The following ZNF35 variants were observed in gnomAD, a reference collection of about 807,000 sequenced individuals.
The protein encoded by ZNF35 is zinc finger protein 35 (clone HF.10).
ZNF35 carries 31 observed loss-of-function variants against 45.9 expected under a neutral mutation model. The ratio of observed to expected loss-of-function variants is 0.68; its 90% CI spans 0.51 to 0.91. ZNF35 has a LOEUF of 0.91. ZNF35 is among the 40% of genes least tolerant of loss of function. The probability of loss-of-function intolerance (pLI) is 0.00; values close to 1 mark genes in which losing one functional copy is unlikely to be tolerated. For synonymous variants in ZNF35, 205 were observed against 220.2 expected, an observed-to-expected ratio of 0.93 and a Z score of 0.61; for missense variants, 515 against 625.4, an observed-to-expected ratio of 0.82 and a Z score of 1.88.
intron 3 of ZNF35, among the ~76,000 whole-genome samples, chr3:44,653,136 C>T (rs1370865768): frequency 1.3e-5 from 2 of 152,154 alleles, no homozygotes; most frequent in South Asian, 2.1e-4. Flanking sequence ...CGGTTTATGT[C>T]GCATTTTCAC....
At chr3:44,654,582 A>G (rs1263888219) in intron 3 of ZNF35, among the ~76,000 whole-genome samples, 2 of 152,192 alleles carry the variant, frequency 1.3e-5, no homozygotes, top group African/African-American at 2.4e-5. Context: ...GAAATTGTAT[A>G]ATATACATGA....
At chr3:44,652,853 C>CA in intron 3 of ZNF35, 152 bp downstream of exon 3, 7 of 798,692 alleles carry the variant, frequency 8.8e-6, no homozygotes, top group Non-Finnish European at 1.3e-5. Flanking sequence ...TGCTGAAATG[C>CA]CTGTGCATTT....
chr3:44,658,725 T>C lies in ZNF35; in HGVS notation c.362T>C (p.Leu121Ser). 1 of 1,578,530 alleles carries C rather than the reference T, an allele frequency of 6.3e-7. No homozygotes were observed. Among genetic ancestry groups the C allele is most frequent in the Non-Finnish European group, 8.5e-7 (1 of 1,170,374 alleles). Residue 121 changes from leucine (L) to serine (S), a missense_variant, in exon 4 of 4, where the codon TTA (leucine) becomes TCA (serine). Physicochemically the swap from Leu to Ser is moderately radical, Grantham distance 145. Coordinates refer to ENST00000396056, the MANE Select transcript of ZNF35 (RefSeq NM_003420.4). The part of the protein sequence containing the change: ...FLGAETKNLQ[L>S]LVPKTEICEE... ...GGTGCTGAAACCAAGAACCTACAGT[T>C]ACTGGTTCCAAAAACTGAGATATGT... is the stretch of plus-strand genomic sequence containing the variant.
intron 3 of ZNF35, among the ~76,000 whole-genome samples, chr3:44,656,236 T>A: frequency 6.7e-6 from 1 of 148,248 alleles, no homozygotes; most frequent in Non-Finnish European, 1.5e-5. Flanking sequence ...AGATGAAGAG[T>A]CAGTAGGGGG....
At chr3:44,649,118 T>C (rs1703120249) in intron 1 of ZNF35, among the ~76,000 whole-genome samples, 1 of 152,126 alleles carries the variant, frequency 6.6e-6, no homozygotes, top group Non-Finnish European at 1.5e-5. Context: ...ATTGCCACGT[T>C]TGGAAATAGA....
At chr3:44,654,959 C>A (rs1441807634) in intron 3 of ZNF35, among the ~76,000 whole-genome samples, 2 of 152,010 alleles carry the variant, frequency 1.3e-5, no homozygotes, top group Non-Finnish European at 2.9e-5. Context: ...CATGGTGAAA[C>A]CCTGTCTCTA....
chr3:44,646,822 CAG>C (rs1261395789), upstream of ZNF35: 4 of 338,320 alleles, frequency 1.2e-5, no homozygotes, highest in African/African-American at 4.3e-5. Flanking sequence ...TGATTTTTGA[CAG>C]GGGCAAAAGC....
At chr3:44,650,489 A>G (rs988091364) in intron 1 of ZNF35, among the ~76,000 whole-genome samples, 1 of 152,182 alleles carries the variant, frequency 6.6e-6, no homozygotes, top group African/African-American at 2.4e-5. Flanking sequence ...AAAAAATGCT[A>G]TGATGATAAT....
At chr3:44,652,076 C>T (rs573163297) in intron 2 of ZNF35, among the ~76,000 whole-genome samples, 1 of 152,112 alleles carries the variant, frequency 6.6e-6, no homozygotes, top group Admixed American at 6.5e-5. Flanking sequence ...CCAGGTGATG[C>T]AGATACTGCT....
Position 44,652,563 on chromosome 3 carries a change from A to G in ZNF35, c.199A>G (p.Asn67Asp). Reference protein sequence around the residue: ...DGSEEEEKGQNISWDMAVVLK... With the variant: ...DGSEEEEKGQDISWDMAVVLK... ...TGTGCCTGCTTGTCTCTAGGGTCAG[A>G]ACATATCCTGGGATATGGCGGTAGT... Residue 67 changes from asparagine (N) to aspartate (D), a missense_variant, in exon 3 of 4, where the codon AAC becomes GAC. Coordinates refer to ENST00000396056, the MANE Select transcript of ZNF35 (RefSeq NM_003420.4). 2 of 1,603,330 alleles carry G rather than the reference A, an allele frequency of 1.2e-6. No homozygotes were observed. The highest frequency in any genetic ancestry group is 1.7e-6 in the Non-Finnish European group (2 of 1,175,360).
upstream of ZNF35, chr3:44,647,891 CA>C (rs1207943033): frequency 6.6e-6 from 1 of 152,108 alleles, no homozygotes; most frequent in Non-Finnish European, 1.5e-5. Flanking sequence ...ATCTTGATTG[CA>C]GTGGTGGTTA....
At chr3:44,653,462 G>C (rs1559483727) in intron 3 of ZNF35, among the ~76,000 whole-genome samples, 1 of 152,222 alleles carries the variant, frequency 6.6e-6, no homozygotes, top group Admixed American at 6.5e-5. Context: ...GTGCACACAT[G>C]TAGGCACATG....
In ZNF35 at chr3:44,660,008, A is replaced by T; in HGVS notation, c.*61A>T. ...TAACCTTCTGCCTCCCTAATGAGAC[A>T]CCTCTTTGCTGTTTTCTTCCTCCTC... On this transcript the variant is annotated 3_prime_UTR_variant, in exon 4 of 4. Coordinates refer to ENST00000396056, the MANE Select transcript of ZNF35 (RefSeq NM_003420.4). 1.4e-6 allele frequency: 2 copies of T among 1,464,762 alleles called. No individual in the cohort carries two copies. Among genetic ancestry groups the T allele is most frequent in the Non-Finnish European group, 1.8e-6 (2 of 1,100,302 alleles). 90.7% of individuals were successfully genotyped at this position (1,464,762 alleles called of 1,614,324 possible). A position where few individuals can be genotyped will look rare whatever the true frequency, so the allele number is the denominator to read the frequency against.
At chr3:44,658,634 TTGA>T (rs1703350558) in intron 3 of ZNF35, 64 bp from the exon 4 acceptor site, 2 of 1,498,350 alleles carry the variant, frequency 1.3e-6, no homozygotes, top group South Asian at 1.4e-5. Context: ...GTTTTATGAC[TTGA>T]TGATCCTATT....
Position 44,659,114 on chromosome 3 carries a change from G to C in ZNF35, c.751G>C (p.Glu251Gln), listed in dbSNP as rs764795631. 6.2e-6 allele frequency: 10 copies of C among 1,614,052 alleles called. No individual in the cohort carries two copies. The African/African-American group carries it at 8.0e-5, about 13-fold the overall frequency. ...AATCCACACTGGAGAGAAACCCTTT[G>C]AATGTCATGAGTGTGGGAAGGCCTT... is the stretch of plus-strand genomic sequence containing the variant. The part of the protein sequence containing the change: ...QRIHTGEKPF[E>Q]CHECGKAFIQ... Residue 251 changes from glutamate (E) to glutamine (Q), a missense_variant, in exon 4 of 4, where the codon GAA becomes CAA. Transcript: ENST00000396056. The surrounding 1 kb of genome is among the most constrained non-coding windows in gnomAD (Gnocchi z 4.3).
In ZNF35 at chr3:44,659,848, C is replaced by T; in HGVS notation, c.1485C>T (p.Thr495=). 1 of 1,613,756 alleles carries T rather than the reference C, an allele frequency of 6.2e-7. No individual in the cohort carries two copies. Among genetic ancestry groups the T allele is most frequent in the South Asian group, 1.1e-5 (1 of 91,038 alleles). Residue 495 remains threonine (T), a synonymous_variant, in exon 4 of 4, where the codon ACC becomes ACT. Coordinates refer to ENST00000396056, the MANE Select transcript of ZNF35 (RefSeq NM_003420.4). The surrounding 1 kb of genome is among the most constrained non-coding windows in gnomAD (Gnocchi z 4.3). ...QRSSLTVHQR[T]HTGEKPYECE... The stretch of plus-strand genomic sequence containing the variant: ...CGAGCCTCACCGTGCACCAGAGAAC[C>T]CACACTGGGGAGAAGCCCTATGAAT...
rs1450369185 is a variant in ZNF35, at chr3:44,660,748, G to GA, written c.*802dup. 1 of 152,190 alleles carries GA rather than the reference G, an allele frequency of 6.6e-6. No homozygotes were observed. Among genetic ancestry groups the GA allele is most frequent in the Non-Finnish European group, 1.5e-5 (1 of 68,054 alleles). 9.4% of individuals were successfully genotyped at this position (152,190 alleles called of 1,614,324 possible). On this transcript the variant is annotated 3_prime_UTR_variant, in exon 4 of 4. Transcript: ENST00000396056. ...AGATGCAACTAACAGCCCCTTCCTG[G>GA]ATGAAGGAGTCAAAGAATAAAGCTT...
At chr3:44,656,198 C>CA (rs1456785375) in intron 3 of ZNF35, among the ~76,000 whole-genome samples, 2 of 151,502 alleles carry the variant, frequency 1.3e-5, no homozygotes, top group African/African-American at 4.9e-5. Flanking sequence ...ATATTTCACA[C>CA]AAAAAATTAA....
At chr3:44,655,415 T>TAAA (rs35965367) in intron 3 of ZNF35, among the ~76,000 whole-genome samples, 1 of 145,846 alleles carries the variant, frequency 6.9e-6, no homozygotes, top group Non-Finnish European at 1.5e-5. Context: ...CAGCTATCTT[T>TAAA]AAAAAAAAAA....
Sources: allele counts gnomAD v4.1 joint callset (sites outside exome capture counted in the v4.1 genomes callset), GRCh38; gene constraint gnomAD v4.1.1; non-coding constraint Gnocchi (gnomAD v3.1); transcripts MANE v1.5; gene names NCBI Gene and HGNC (gene_info 2026-07-23, HGNC 2026-07-21).